Variants in GSE1 observed in about 807,000 individuals in gnomAD.
GSE1 encodes Gse1 coiled-coil protein.
GSE1 carries 32 observed loss-of-function variants against 112.6 expected under a neutral mutation model. The ratio of observed to expected loss-of-function variants is 0.28; its 90% CI spans 0.21 to 0.38. The LOEUF is 0.38. Among genes scored for constraint, GSE1 ranks in the 10% least tolerant of loss-of-function variants. The probability of loss-of-function intolerance (pLI) is 1.00; values close to 1 mark genes in which losing one functional copy is unlikely to be tolerated. For missense variants in GSE1, 2,348 were observed against 1,699.2 expected, an observed-to-expected ratio of 1.38 and a Z score of -6.71; for synonymous variants, 1,115 against 735.6, an observed-to-expected ratio of 1.52 and a Z score of -8.35.
At chr16:85,169,521 G>A, upstream of GSE1, 1 of 842,596 alleles carries the variant, frequency 1.2e-6, no homozygotes, top group African/African-American at 1.9e-5. Context: ...GGCGCGGCGC[G>A]GCCATGAGCG....
rs900821010 is a variant in GSE1, at chr16:85,512,360, G to A, written c.2465-121554G>A. On this transcript the variant is annotated intron_variant, in intron 2 of 2. Coordinates refer to the GSE1 transcript ENST00000637419. ...GACAGCTGTCGGGCCCCAGGACAGC[G>A]TCTTGCAGCGAGGCCTGGGTTCTCC... is the stretch of plus-strand genomic sequence containing the variant. 3.3e-5 allele frequency among the ~76,000 whole-genome samples: 5 copies of A among 152,170 alleles called. 1 individual carries two copies. The highest frequency in any genetic ancestry group is 2.0e-4 in the Admixed American group (3 of 15,282).
intron 1 of GSE1, among the ~76,000 whole-genome samples, chr16:85,238,384 C>T (rs1904879836): frequency 6.6e-6 from 1 of 152,228 alleles, no homozygotes; most frequent in Admixed American, 6.5e-5. Context: ...CCGGAGACAT[C>T]CTCTGCCCCC....
chr16:85,602,420 TC>T (rs1176019493), intron 1 of GSE1, among the ~76,000 whole-genome samples: 2 of 152,094 alleles, frequency 1.3e-5, no homozygotes, highest in Admixed American at 6.5e-5. Context: ...CTGGGAGGCT[TC>T]TTGGGGGCTA....
At chr16:85,236,789 C>T (rs1904711637) in intron 1 of GSE1, among the ~76,000 whole-genome samples, 1 of 152,054 alleles carries the variant, frequency 6.6e-6, no homozygotes, top group Non-Finnish European at 1.5e-5. Context: ...CTCCTGCTGC[C>T]TGTAATACCT....
At chr16:85,649,602 T>C (rs2051165815) in intron 3 of GSE1, among the ~76,000 whole-genome samples, 1 of 152,034 alleles carries the variant, frequency 6.6e-6, no homozygotes, top group South Asian at 2.1e-4. Flanking sequence ...CTGGGGCCTG[T>C]GCGCCCTCAG....
chr16:85,505,631 A>G (rs1203864260), intron 2 of GSE1, among the ~76,000 whole-genome samples: 34 of 152,150 alleles, frequency 2.2e-4, no homozygotes, highest in Admixed American at 2.2e-3. Context: ...GGCGGGGGGC[A>G]CATGCTCAGG....
At position 85,657,341 on chromosome 16, in the gene GSE1, C is replaced by T; in HGVS notation, c.1377C>T (p.Pro459=). Residue 459 remains proline (P), a synonymous_variant, in exon 8 of 16, where the codon CCC becomes CCT. Coordinates refer to ENST00000253458, the MANE Select transcript of GSE1 (RefSeq NM_014615.5). The part of the protein sequence containing the change: ...KPVQHPLHPV[P]TPHHTVPSLI... ...TCCAACACCCCTTGCATCCGGTGCC[C>T]ACCCCACACCACACGGTGCCCAGCC... 6.2e-7 allele frequency: 1 copy of T among 1,608,760 alleles called. No homozygotes were observed. The highest frequency in any genetic ancestry group is 8.5e-7 in the Non-Finnish European group (1 of 1,178,314).
At chr16:85,319,129 C>T (rs1490020158) in intron 1 of GSE1, among the ~76,000 whole-genome samples, 2 of 152,210 alleles carry the variant, frequency 1.3e-5, no homozygotes, top group Non-Finnish European at 2.9e-5. Context: ...CCCCTCCCTT[C>T]TCCTCCTCTT....
At chr16:85,625,949 C>T (rs2049039547) in intron 1 of GSE1, among the ~76,000 whole-genome samples, 1 of 152,150 alleles carries the variant, frequency 6.6e-6, no homozygotes, top group African/African-American at 2.4e-5. Flanking sequence ...TGTGGCTGCA[C>T]AGGTTGCCCC....
chr16:85,423,259 TG>T (rs902386065), intron 2 of GSE1, among the ~76,000 whole-genome samples: 1 of 152,252 alleles, frequency 6.6e-6, no homozygotes, highest in African/African-American at 2.4e-5. Flanking sequence ...CAGACCTGCA[TG>T]GACGTCCTCC....
chr16:85,401,678 T>G (rs2048118742), intron 2 of GSE1, among the ~76,000 whole-genome samples: 1 of 152,198 alleles, frequency 6.6e-6, no homozygotes, highest in South Asian at 2.1e-4. Flanking sequence ...GAGCCATATA[T>G]AAGAGCTTCT....
chr16:85,624,189 G>C (rs113087243), intron 1 of GSE1, among the ~76,000 whole-genome samples: 1,900 of 152,308 alleles, frequency 0.012, 19 homozygotes, highest in African/African-American at 0.019. Context: ...CCCTGGGGTG[G>C]GGGAGCCAGG....
In GSE1 at chr16:85,419,107, A is replaced by G. The variant is rs544336468; in HGVS notation, c.2464+61464A>G. 9.9e-5 allele frequency among the ~76,000 whole-genome samples: 15 copies of G among 152,208 alleles called. No individual in the cohort carries two copies. Among genetic ancestry groups the G allele is most frequent in the Non-Finnish European group, 1.5e-4 (10 of 68,004 alleles). On this transcript the variant is annotated intron_variant, in intron 2 of 2. Coordinates refer to the GSE1 transcript ENST00000637419. This position sits in a 1 kb window ranked among gnomAD's most constrained non-coding sequence, Gnocchi z 6.5. ...GTCCCAGCGCACAGATGGCGTGTAA[A>G]GCTGGGAGACTGGGGAGACACCTTG... is the stretch of plus-strand genomic sequence containing the variant.
chr16:85,571,228 A>T (rs2045967396), intron 1 of GSE1, among the ~76,000 whole-genome samples: 1 of 152,202 alleles, frequency 6.6e-6, no homozygotes, highest in African/African-American at 2.4e-5. Context: ...CCCGGGCGGC[A>T]TCAGTGCTGC....
At chr16:85,293,490 G>A (rs142380187) in intron 1 of GSE1, among the ~76,000 whole-genome samples, 19 of 152,274 alleles carry the variant, frequency 1.2e-4, no homozygotes, top group African/African-American at 4.3e-4. Context: ...AGGTTACAGT[G>A]AGCTGAGATT....
At chr16:85,361,633 C>A (rs1421722837) in intron 2 of GSE1, among the ~76,000 whole-genome samples, 3 of 152,198 alleles carry the variant, frequency 2.0e-5, no homozygotes, top group Non-Finnish European at 4.4e-5. Context: ...CAGGGCCGTC[C>A]GTTTCTGACC....
At chr16:85,621,463 TTA>T (rs2048738977) in intron 1 of GSE1, among the ~76,000 whole-genome samples, 1 of 152,268 alleles carries the variant, frequency 6.6e-6, no homozygotes, top group Admixed American at 6.5e-5. Flanking sequence ...GAATACAGTC[TTA>T]TCGTTTTACA....
chr16:85,503,786 T>C (rs567186308), intron 2 of GSE1, among the ~76,000 whole-genome samples: 27 of 152,236 alleles, frequency 1.8e-4, no homozygotes, highest in African/African-American at 5.8e-4. Flanking sequence ...TCTTTAAAAC[T>C]GTCAGAAGCC....
intron 2 of GSE1, among the ~76,000 whole-genome samples, chr16:85,479,158 A>C (rs1356764905): frequency 2.8e-5 from 4 of 143,872 alleles, no homozygotes; most frequent in Admixed American, 7.0e-5. Flanking sequence ...AGTAGCTGGG[A>C]CTATAGGCGC....
Sources: allele counts gnomAD v4.1 joint callset (sites outside exome capture counted in the v4.1 genomes callset), GRCh38; gene constraint gnomAD v4.1.1; non-coding constraint Gnocchi (gnomAD v3.1); transcripts MANE v1.5; gene names NCBI Gene and HGNC (gene_info 2026-07-23, HGNC 2026-07-21).